Variants in MAOB observed in about 807,000 individuals in gnomAD.
MAOB encodes the protein monoamine oxidase B, also known as amine oxidase [flavin-containing] B.
A neutral mutation model predicts 41.9 loss-of-function variants in MAOB; 15 were observed. The ratio of observed to expected loss-of-function variants is 0.36; its 90% CI spans 0.24 to 0.55. The LOEUF (loss-of-function observed/expected upper bound fraction) is 0.55. MAOB is among the 20% of genes least tolerant of loss of function. The pLI is 0.86. For synonymous variants in MAOB, 167 were observed against 144.2 expected (o/e 1.16, Z -1.13); for missense variants, 345 against 398.7 (o/e 0.87, Z 1.15).
At chrX:43,797,046 G>A (rs2034537085) in intron 6 of MAOB, 79 bp downstream of exon 6, 2 of 1,023,950 alleles carry the variant, frequency 2.0e-6, no homozygotes, top group African/African-American at 3.8e-5. Context: ...CACTTCAGCA[G>A]TTCATGATTG....
chrX:43,805,450 A>G (rs1307289220), intron 3 of MAOB, among the ~76,000 whole-genome samples: 1 of 111,398 alleles, frequency 9.0e-6, no homozygotes, highest in Admixed American at 9.6e-5. Flanking sequence ...CTTCCTAGAC[A>G]ATCCCTGTCC....
rs565338631 is a variant in MAOB, at chrX:43,873,763, G to A, written c.46+8491C>T. ...GCCATCTCGGCTCACTGCAACCTCC[G>A]CCTCCCTGGTTCAAGCGATTCTCCT... On this transcript the variant is annotated intron_variant, in intron 1 of 14. Transcript: ENST00000378069. 5.4e-5 allele frequency among the ~76,000 whole-genome samples: 6 copies of A among 111,347 alleles called. No homozygotes were observed. In the East Asian group the frequency reaches 1.4e-3, roughly 26 times the overall value.
chrX:43,874,083 ATC>A (rs911994479), intron 1 of MAOB, among the ~76,000 whole-genome samples: 1 of 112,025 alleles, frequency 8.9e-6, no homozygotes, highest in Non-Finnish European at 1.9e-5. Flanking sequence ...TGGGAAGAAA[ATC>A]TCTGTTTTTA....
intron 1 of MAOB, among the ~76,000 whole-genome samples, chrX:43,876,670 G>A (rs766792056): frequency 8.9e-6 from 1 of 112,206 alleles, no homozygotes; most frequent in Non-Finnish European, 1.9e-5. Context: ...TATAGTTTCT[G>A]ACATATTTAT....
chrX:43,836,428 A>C (rs930428130), intron 3 of MAOB, among the ~76,000 whole-genome samples: 2 of 112,541 alleles, frequency 1.8e-5, no homozygotes, highest in Admixed American at 9.4e-5. Flanking sequence ...GTGACTGATC[A>C]CGAGGAGGCC....
intron 1 of MAOB, among the ~76,000 whole-genome samples, chrX:43,878,742 C>T (rs1223606925): frequency 9.0e-6 from 1 of 110,798 alleles, no homozygotes; most frequent in Non-Finnish European, 1.9e-5. Flanking sequence ...CCACACACCT[C>T]AACTCATAAC....
At chrX:43,857,147 AG>A (rs1569230884) in intron 1 of MAOB, among the ~76,000 whole-genome samples, 43 of 62,980 alleles carry the variant, frequency 6.8e-4, no homozygotes, top group Non-Finnish European at 1.1e-3. Context: ...AGAGAGAGAG[AG>A]AGAGAGAGAG....
rs574741622 is a variant in MAOB, at chrX:43,788,585, T to C, written c.928+4834A>G. Among the ~76,000 whole-genome samples, 3 of 111,303 alleles carry C rather than the reference T, an allele frequency of 2.7e-5. No homozygotes were observed. In the South Asian group the frequency reaches 1.1e-3, roughly 42 times the overall value. On this transcript the variant is annotated intron_variant, in intron 8 of 14. Coordinates refer to ENST00000378069, the MANE Select transcript of MAOB (RefSeq NM_000898.5). Reference sequence around the variant, plus strand: ...AGCAAAAACATGGAAACAAGAAAAATGACTATCAACAGCTGATGTCTTGGG... The same window carrying C: ...AGCAAAAACATGGAAACAAGAAAAACGACTATCAACAGCTGATGTCTTGGG...
chrX:43,842,006 T>C (rs2035142990), intron 2 of MAOB, among the ~76,000 whole-genome samples: 2 of 111,665 alleles, frequency 1.8e-5, no homozygotes, highest in Admixed American at 9.5e-5. Context: ...ATGACACTAG[T>C]CAGGGAAATG....
intron 1 of MAOB, among the ~76,000 whole-genome samples, chrX:43,847,071 C>T (rs1453271513): frequency 8.9e-6 from 1 of 112,260 alleles, no homozygotes; most frequent in East Asian, 2.8e-4. Context: ...TGGCCAGGCA[C>T]GGTGGCTTAC....
chrX:43,881,814 T>C (rs1261974195), intron 1 of MAOB, among the ~76,000 whole-genome samples: 1 of 112,463 alleles, frequency 8.9e-6, no homozygotes, highest in Non-Finnish European at 1.9e-5. Context: ...CTCCAACCTC[T>C]TCTGTTCAAG....
chrX:43,782,968 A>G (rs2034353920), intron 8 of MAOB, among the ~76,000 whole-genome samples: 1 of 111,789 alleles, frequency 8.9e-6, no homozygotes, highest in Non-Finnish European at 1.9e-5. Context: ...CTCTCCATAA[A>G]CTAGGTATTG....
At chrX:43,830,562 G>A (rs1309690073) in intron 3 of MAOB, among the ~76,000 whole-genome samples, 2 of 112,033 alleles carry the variant, frequency 1.8e-5, no homozygotes, top group African/African-American at 6.5e-5. Context: ...CAATAACACA[G>A]AAGAAAAATA....
At chrX:43,866,336 T>C (rs990247858) in intron 1 of MAOB, among the ~76,000 whole-genome samples, 4 of 112,375 alleles carry the variant, frequency 3.6e-5, no homozygotes, top group East Asian at 2.8e-4. Context: ...ACAATAAATA[T>C]GTTTTGTGAC....
chrX:43,798,184 C>T (rs1241953065), intron 5 of MAOB, among the ~76,000 whole-genome samples: 3 of 111,651 alleles, frequency 2.7e-5, no homozygotes, highest in Non-Finnish European at 5.6e-5. Flanking sequence ...TAATTGCTGT[C>T]TCCCCCCACT....
chrX:43,853,124 C>T (rs2035262748), intron 1 of MAOB, among the ~76,000 whole-genome samples: 1 of 109,210 alleles, frequency 9.2e-6, no homozygotes, highest in African/African-American at 3.3e-5. Context: ...AAAAATTAGC[C>T]AGGCGTGGTG....
chrX:43,853,330 A>C (rs2035266513), intron 1 of MAOB, among the ~76,000 whole-genome samples: 1 of 107,321 alleles, frequency 9.3e-6, no homozygotes. Context: ...GGACAGGGAA[A>C]GTTCCCCTGT....
intron 2 of MAOB, 140 bp from the exon 3 acceptor site, chrX:43,839,145 G>T: frequency 5.4e-6 from 2 of 367,218 alleles, no homozygotes; most frequent in Non-Finnish European, 8.9e-6. Flanking sequence ...ACTAGATTTT[G>T]TTATCAACTC....
rs2034121045 is a variant in MAOB, at chrX:43,767,109, A to G, written c.*357T>C. On this transcript the variant is annotated 3_prime_UTR_variant, in exon 15 of 15. Coordinates refer to ENST00000378069, the MANE Select transcript of MAOB (RefSeq NM_000898.5). Reference sequence around the variant, plus strand: ...GGAAGGTGAGGCTATTACAGGTAAGAGGAAGAACAAGCACAAAGCCATAAT... The same window carrying G: ...GGAAGGTGAGGCTATTACAGGTAAGGGGAAGAACAAGCACAAAGCCATAAT... 1.1e-5 allele frequency: 2 copies of G among 179,174 alleles called. No homozygotes were observed. Among genetic ancestry groups the G allele is most frequent in the Non-Finnish European group, 1.0e-5 (1 of 95,963 alleles). 14.8% of individuals were successfully genotyped at this position (179,174 alleles called of 1,213,427 possible).
Sources: allele counts gnomAD v4.1 joint callset (sites outside exome capture counted in the v4.1 genomes callset), GRCh38; gene constraint gnomAD v4.1.1; transcripts MANE v1.5; gene names NCBI Gene and HGNC (gene_info 2026-07-23, HGNC 2026-07-21).